RAB10: variants seen among roughly 807,000 people sequenced by gnomAD.
RAB10 encodes the protein RAB10, member RAS oncogene family.
In RAB10, 5 loss-of-function variants were observed where a neutral mutation model predicts 25.7. That is an observed-to-expected ratio of 0.19 (90% CI 0.10 to 0.41). The LOEUF (loss-of-function observed/expected upper bound fraction) is 0.41, where lower values mean the gene tolerates loss of function less well. Among genes scored for constraint, RAB10 ranks in the 10% least tolerant of loss-of-function variants. The probability of loss-of-function intolerance (pLI) is 1.00; values close to 1 mark genes in which losing one functional copy is unlikely to be tolerated. For synonymous variants in RAB10, 89 were observed against 86.4 expected (o/e 1.03, Z -0.16); for missense variants, 103 against 245.8 (o/e 0.42, Z 3.89).
At chr2:26,117,631 AAAAAC>A (rs1667719626) in intron 3 of RAB10, among the ~76,000 whole-genome samples, 1 of 145,366 alleles carries the variant, frequency 6.9e-6, no homozygotes, top group African/African-American at 2.5e-5. Context: ...AAAAAAAAAA[AAAAAC>A]AAAAAAAACA....
intron 1 of RAB10, among the ~76,000 whole-genome samples, chr2:26,073,018 T>G (rs1666660304): frequency 6.6e-6 from 1 of 152,208 alleles, no homozygotes; most frequent in South Asian, 2.1e-4. Context: ...ATTGGTGTAC[T>G]TCTTTCATTG....
intron 1 of RAB10, among the ~76,000 whole-genome samples, chr2:26,082,206 G>A (rs1215042738): frequency 6.6e-6 from 1 of 152,074 alleles, no homozygotes; most frequent in Non-Finnish European, 1.5e-5. Flanking sequence ...GGGAAAAAAT[G>A]GAAGTATAAT....
chr2:26,054,351 G>T (rs1432646013), intron 1 of RAB10, among the ~76,000 whole-genome samples: 1 of 151,424 alleles, frequency 6.6e-6, no homozygotes, highest in Admixed American at 6.6e-5. Flanking sequence ...ACCGCGCCCG[G>T]CCTAATGTTT....
chr2:26,060,520 C>A (rs1666372484), intron 1 of RAB10, among the ~76,000 whole-genome samples: 1 of 152,146 alleles, frequency 6.6e-6, no homozygotes, highest in Non-Finnish European at 1.5e-5. Context: ...GATCTCCTGA[C>A]CTCGTGATCT....
intron 1 of RAB10, among the ~76,000 whole-genome samples, chr2:26,093,110 G>A (rs777658745): frequency 1.3e-5 from 2 of 152,106 alleles, no homozygotes; most frequent in African/African-American, 2.4e-5. Context: ...CTTGGTGAGA[G>A]GTTAGTTATG....
Position 26,034,567 on chromosome 2 carries a change from C to A in RAB10, c.-42C>A. On this transcript the variant is annotated 5_prime_UTR_variant, in exon 1 of 6. Transcript: ENST00000264710. The stretch of plus-strand genomic sequence containing the variant: ...TTGGCCGTAGTGAGAGGGACCGATC[C>A]CTTGGGGCCGCCGGCGGCGAGAGCC... 6.2e-7 allele frequency: 1 copy of A among 1,611,840 alleles called. No homozygotes were observed. The highest frequency in any genetic ancestry group is 8.5e-7 in the Non-Finnish European group (1 of 1,179,692).
rs149382154 is a variant in RAB10 at position 26,126,995 on chromosome 2, T to C, written c.328-149T>C. On this transcript the variant is annotated intron_variant, in intron 3 of 5. Transcript: ENST00000264710. Reference sequence around the variant, plus strand: ...AGGTAATCTAAGAATTTGTGTAGGCTTTTAGTATGGAGTAGTTTTAGGGTG... The same window carrying C: ...AGGTAATCTAAGAATTTGTGTAGGCCTTTAGTATGGAGTAGTTTTAGGGTG... The C allele has an allele frequency of 2.1e-4, 113 of 548,724 alleles. No individual in the cohort carries two copies. In the African/African-American group the frequency reaches 2.2e-3, roughly 10 times the overall value. The allele number at this position is 548,724 out of a possible 1,614,324, so 34.0% of individuals were successfully genotyped here. A position where few individuals can be genotyped will look rare whatever the true frequency, so the allele number is the denominator to read the frequency against.
At chr2:26,081,204 T>C (rs1174735326) in intron 1 of RAB10, among the ~76,000 whole-genome samples, 1 of 152,164 alleles carries the variant, frequency 6.6e-6, no homozygotes, top group Non-Finnish European at 1.5e-5. Flanking sequence ...CCATGTGAAA[T>C]GTAAGTCCAT....
intron 3 of RAB10, 95 bp downstream of exon 3, chr2:26,110,001 G>GACTTCAACAGTACAT: frequency 7.8e-7 from 1 of 1,284,812 alleles, no homozygotes; most frequent in Non-Finnish European, 1.0e-6. Context: ...AGGATATAAT[G>GACTTCAACAGTACAT]TACTGTTGAA....
intron 2 of RAB10, among the ~76,000 whole-genome samples, chr2:26,100,787 A>G (rs1574552179): frequency 1.3e-5 from 2 of 152,068 alleles, no homozygotes; most frequent in East Asian, 1.9e-4. Flanking sequence ...GAGATAAACA[A>G]TTTGTCTATA....
chr2:26,058,810 A>G (rs187364209), intron 1 of RAB10, among the ~76,000 whole-genome samples: 2 of 152,240 alleles, frequency 1.3e-5, no homozygotes, highest in East Asian at 1.9e-4. Context: ...TTCCCTTTCT[A>G]TCCTATAATA....
intron 1 of RAB10, among the ~76,000 whole-genome samples, chr2:26,086,151 C>T (rs1376562243): frequency 6.6e-6 from 1 of 151,602 alleles, no homozygotes; most frequent in Non-Finnish European, 1.5e-5. Context: ...CTCATCTCTA[C>T]TAAAAATACA....
chr2:26,124,492 T>C (rs1440560832), intron 3 of RAB10, among the ~76,000 whole-genome samples: 3 of 147,844 alleles, frequency 2.0e-5, no homozygotes, highest in Non-Finnish European at 4.5e-5. Context: ...CCTTGAGCTC[T>C]TGGGCTCAAG....
intron 1 of RAB10, among the ~76,000 whole-genome samples, chr2:26,095,453 A>G (rs949908628): frequency 1.3e-5 from 2 of 152,146 alleles, no homozygotes; most frequent in Non-Finnish European, 2.9e-5. Context: ...TAAAAATACA[A>G]AAAATTAGCC....
At chr2:26,041,209 C>G (rs888062178) in intron 1 of RAB10, among the ~76,000 whole-genome samples, 16 of 152,022 alleles carry the variant, frequency 1.1e-4, no homozygotes, top group African/African-American at 3.6e-4. Flanking sequence ...TACCTACTTT[C>G]TGATCATTAT....
intron 1 of RAB10, among the ~76,000 whole-genome samples, chr2:26,077,078 A>G (rs1218028379): frequency 6.6e-6 from 1 of 152,240 alleles, no homozygotes; most frequent in Non-Finnish European, 1.5e-5. Context: ...CTCTGGATAT[A>G]CATCTTAGGA....
At chr2:26,067,534 G>T (rs1666539778) in intron 1 of RAB10, among the ~76,000 whole-genome samples, 2 of 152,278 alleles carry the variant, frequency 1.3e-5, no homozygotes, top group Admixed American at 6.5e-5. Flanking sequence ...GGGGGCAACA[G>T]CCTTGAATAT....
intron 1 of RAB10, among the ~76,000 whole-genome samples, chr2:26,041,543 CAA>C (rs1230627488): frequency 3.4e-4 from 15 of 44,628 alleles, no homozygotes; most frequent in African/African-American, 1.2e-3. Flanking sequence ...GACGCTGACT[CAA>C]AAAAAAAAAA....
chr2:26,133,498 A>G (rs906456200), intron 5 of RAB10, among the ~76,000 whole-genome samples: 1 of 152,174 alleles, frequency 6.6e-6, no homozygotes, highest in Non-Finnish European at 1.5e-5. Context: ...TCTTGGGAGT[A>G]TTATGTTCTA....
Sources: gnomAD v4.1 joint callset for allele counts (sites outside exome capture counted in the v4.1 genomes callset) on GRCh38, gnomAD v4.1.1 for gene constraint, MANE v1.5 for transcripts, NCBI Gene and HGNC (gene_info 2026-07-23, HGNC 2026-07-21) for gene names.